Variants in HEPHL1 observed in about 807,000 individuals in gnomAD.
HEPHL1 encodes the protein ferroxidase HEPHL1.
In HEPHL1, 123 loss-of-function variants were observed where a neutral mutation model predicts 122.0. The observed-to-expected ratio is 1.01, with a 90% CI of 0.87 to 1.17. The LOEUF (loss-of-function observed/expected upper bound fraction) is 1.17. HEPHL1 is among the 50% of genes most tolerant of loss of function. The pLI is 0.00. For synonymous variants in HEPHL1, 527 were observed against 508.9 expected, an observed-to-expected ratio of 1.04 and a Z score of -0.48; for missense variants, 1,452 against 1,430.5, an observed-to-expected ratio of 1.01 and a Z score of -0.24.
intron 18 of HEPHL1, 151 bp from the exon 19 acceptor site, chr11:94,111,386 T>C (rs1350789543): frequency 4.3e-6 from 3 of 704,198 alleles, no homozygotes; most frequent in Non-Finnish European, 5.0e-6. Flanking sequence ...GGAAAGCATG[T>C]ACATGGGAAT....
In HEPHL1 at chr11:94,111,784, C is replaced by T; in HGVS notation, c.3370C>T (p.Leu1124Phe). Residue 1124 changes from leucine (L) to phenylalanine (F), a missense_variant, in exon 20 of 20, where the codon CTC becomes TTC. Coordinates refer to ENST00000315765, the MANE Select transcript of HEPHL1 (RefSeq NM_001098672.2). ...AALVILFIIG[L>F]LLLITTVILS... Reference sequence around the variant, plus strand: ...CTTGGTCATCCTTTTCATCATTGGACTCCTCCTTCTAATCACCACGGTGAT... The same window carrying T: ...CTTGGTCATCCTTTTCATCATTGGATTCCTCCTTCTAATCACCACGGTGAT... The T allele has an allele frequency of 6.3e-7, 1 of 1,589,570 alleles. No homozygotes were observed. The highest frequency in any genetic ancestry group is 2.2e-5 in the East Asian group (1 of 44,748).
intron 1 of HEPHL1, among the ~76,000 whole-genome samples, chr11:94,039,361 C>A (rs1945753991): frequency 6.6e-6 from 1 of 152,132 alleles, no homozygotes; most frequent in South Asian, 2.1e-4. Context: ...CAGCTCTGCA[C>A]CAAGCAGATC....
intron 1 of HEPHL1, among the ~76,000 whole-genome samples, chr11:94,025,330 A>T (rs528541863): frequency 1.3e-5 from 2 of 152,018 alleles, no homozygotes; most frequent in East Asian, 3.9e-4. Flanking sequence ...TTGCCTGGGG[A>T]TGGTGTCAGT....
chr11:94,067,452 CCTCTGCAGGGGAGTCT>C (rs1242198784), intron 4 of HEPHL1, 28 bp from the exon 5 acceptor site: 2 of 1,596,898 alleles, frequency 1.3e-6, no homozygotes, highest in Non-Finnish European at 1.7e-6. Flanking sequence ...GTCCCAGTCG[CCTCTGCAGGGGAGTCT>C]CTTCCACTAG....
chr11:94,085,490 A>G lies in HEPHL1; in HGVS notation c.1868-487A>G, dbSNP rs557127321. ...CACATATACTGTCAATTGATTTAAA[A>G]ATCTTTCAAATAATGCTGAATCCAT... On this transcript the variant is annotated intron_variant, in intron 10 of 19. Transcript: ENST00000315765. Among the ~76,000 whole-genome samples the G allele has an allele frequency of 1.4e-4, 22 of 152,332 alleles. No individual in the cohort carries two copies. The South Asian group carries it at 4.1e-3, about 29-fold the overall frequency.
At chr11:94,043,451 TA>T (rs1268424729) in intron 1 of HEPHL1, among the ~76,000 whole-genome samples, 1 of 152,114 alleles carries the variant, frequency 6.6e-6, no homozygotes, top group African/African-American at 2.4e-5. Flanking sequence ...GGATGAATGA[TA>T]TCAATTGGCC....
chr11:94,092,800 G>T (rs1054328305), intron 12 of HEPHL1, among the ~76,000 whole-genome samples: 4 of 152,150 alleles, frequency 2.6e-5, no homozygotes, highest in Non-Finnish European at 4.4e-5. Context: ...ATAAAACAAG[G>T]TTATATATTG....
At chr11:94,056,626 A>G (rs897900144) in intron 2 of HEPHL1, among the ~76,000 whole-genome samples, 6 of 121,304 alleles carry the variant, frequency 4.9e-5, no homozygotes, top group African/African-American at 1.8e-4. Flanking sequence ...ATAAAGCTCC[A>G]TTCTCTCCCC....
intron 6 of HEPHL1, among the ~76,000 whole-genome samples, chr11:94,072,742 C>T (rs72968710): frequency 0.11 from 16,642 of 152,066 alleles, 991 homozygotes; most frequent in Admixed American, 0.15. Context: ...CATTCTGGAA[C>T]TCTACTATTG....
chr11:94,065,999 C>T (rs1000306140), intron 4 of HEPHL1, among the ~76,000 whole-genome samples: 1 of 152,036 alleles, frequency 6.6e-6, no homozygotes, highest in Non-Finnish European at 1.5e-5. Flanking sequence ...GCCTGGGCAA[C>T]ATAGGTAGAT....
intron 2 of HEPHL1, among the ~76,000 whole-genome samples, chr11:94,056,657 T>TATCTATCTATCTATCTATCTATC (rs3060401): frequency 8.9e-6 from 1 of 111,804 alleles, no homozygotes; most frequent in African/African-American, 3.2e-5. Context: ...CTATTATTGA[T>TATCTATCTATCTATCTATCTATC]TATCTATCTA....
At chr11:94,092,151 A>G (rs887755565) in intron 12 of HEPHL1, among the ~76,000 whole-genome samples, 4 of 152,218 alleles carry the variant, frequency 2.6e-5, no homozygotes, top group Non-Finnish European at 4.4e-5. Context: ...AGTGGCTGAG[A>G]TAAGAATGAA....
intron 1 of HEPHL1, among the ~76,000 whole-genome samples, chr11:94,037,723 T>C (rs1945739569): frequency 6.6e-6 from 1 of 151,790 alleles, no homozygotes; most frequent in African/African-American, 2.4e-5. Flanking sequence ...CATCTGTACA[T>C]CACCATCATC....
At position 94,104,603 on chromosome 11, in the gene HEPHL1, G is replaced by A. The variant is rs1326423313; in HGVS notation, c.2758G>A (p.Asp920Asn). ...GVLNEKGRRS[D>N]VDYEFALLFL... ...CTTGAATGAAAAGGGAAGAAGAAGT[G>A]ACGTTGATTATGAATTTGCTCTCTT... Residue 920 changes from aspartate to asparagine, a missense_variant, in exon 16 of 20, where the codon GAC becomes AAC. Transcript: ENST00000315765. 6.2e-7 allele frequency: 1 copy of A among 1,613,856 alleles called. No individual in the cohort carries two copies. Among genetic ancestry groups the A allele is most frequent in the Admixed American group, 1.7e-5 (1 of 60,020 alleles).
At chr11:94,067,773 T>A in intron 5 of HEPHL1, 23 bp downstream of exon 5, 1 of 1,610,526 alleles carries the variant, frequency 6.2e-7, no homozygotes, top group Non-Finnish European at 8.5e-7. Context: ...AAGACCAGAG[T>A]TGATATGTTT....
At chr11:94,032,093 C>A (rs1945680567) in intron 1 of HEPHL1, among the ~76,000 whole-genome samples, 1 of 152,228 alleles carries the variant, frequency 6.6e-6, no homozygotes, top group Non-Finnish European at 1.5e-5. Context: ...GCCTCCTTTC[C>A]AATGACATAC....
At chr11:94,034,551 A>G (rs1195343887) in intron 1 of HEPHL1, among the ~76,000 whole-genome samples, 1 of 152,164 alleles carries the variant, frequency 6.6e-6, no homozygotes, top group Non-Finnish European at 1.5e-5. Flanking sequence ...ATTATTTAAT[A>G]CAAAGGCTAT....
At chr11:94,102,357 G>C (rs1946374006) in intron 14 of HEPHL1, among the ~76,000 whole-genome samples, 1 of 152,182 alleles carries the variant, frequency 6.6e-6, no homozygotes, top group South Asian at 2.1e-4. Context: ...GGGATAAATA[G>C]GAAGTCATAG....
At chr11:94,056,584 T>C (rs1406090609) in intron 2 of HEPHL1, among the ~76,000 whole-genome samples, 1 of 152,042 alleles carries the variant, frequency 6.6e-6, no homozygotes, top group Non-Finnish European at 1.5e-5. Context: ...ATTTACCAAC[T>C]AAATTCTGGT....
Sources: gnomAD v4.1 joint callset for allele counts (sites outside exome capture counted in the v4.1 genomes callset) on GRCh38, gnomAD v4.1.1 for gene constraint, MANE v1.5 for transcripts, NCBI Gene and HGNC (gene_info 2026-07-23, HGNC 2026-07-21) for gene names.